The following SPOCK3 variants were observed in gnomAD, a reference collection of about 807,000 sequenced individuals.
SPOCK3 encodes testican-3.
In SPOCK3, 30 loss-of-function variants were observed where a neutral mutation model predicts 56.6. The observed-to-expected ratio is 0.53, with a 90% confidence interval of 0.40 to 0.72. The LOEUF (loss-of-function observed/expected upper bound fraction) is 0.72, where lower values mean the gene tolerates loss of function less well. Ranked by LOEUF, SPOCK3 falls within the 30% of genes least tolerant of loss-of-function variation. The pLI, the probability that SPOCK3 is intolerant of heterozygous loss-of-function variation, is 0.00. For synonymous variants in SPOCK3, 196 were observed against 183.3 expected (o/e 1.07, Z -0.56); for missense variants, 527 against 530.0 (o/e 0.99, Z 0.06).
intron 2 of SPOCK3, among the ~76,000 whole-genome samples, chr4:167,077,017 T>G (rs1757250177): frequency 2.6e-5 from 4 of 151,816 alleles, no homozygotes; most frequent in Admixed American, 2.6e-4. Flanking sequence ...TGCATGGAAT[T>G]GAGTTGATAT....
chr4:167,006,661 A>T (rs941427431), intron 3 of SPOCK3, among the ~76,000 whole-genome samples: 14 of 152,316 alleles, frequency 9.2e-5, no homozygotes, highest in Non-Finnish European at 1.6e-4. Context: ...ATTTCATATG[A>T]AAGCACTATC....
chr4:166,797,941 T>C (rs1324880953), intron 6 of SPOCK3, among the ~76,000 whole-genome samples: 1 of 152,178 alleles, frequency 6.6e-6, no homozygotes, highest in African/African-American at 2.4e-5. Flanking sequence ...TGCATAACAA[T>C]GTTTCGGGCA....
At chr4:166,834,487 C>T (rs896888958) in intron 6 of SPOCK3, among the ~76,000 whole-genome samples, 1 of 152,166 alleles carries the variant, frequency 6.6e-6, no homozygotes, top group South Asian at 2.1e-4. Flanking sequence ...GGCTTTTTCT[C>T]TATGGTCAGG....
At chr4:167,164,556 G>A (rs1765593867) in intron 2 of SPOCK3, among the ~76,000 whole-genome samples, 1 of 150,950 alleles carries the variant, frequency 6.6e-6, no homozygotes, top group Non-Finnish European at 1.5e-5. Flanking sequence ...AGCCCCACAT[G>A]CATTAGGTAT....
chr4:167,096,852 A>T (rs1357585378), intron 2 of SPOCK3, among the ~76,000 whole-genome samples: 4 of 151,864 alleles, frequency 2.6e-5, no homozygotes, highest in Non-Finnish European at 5.9e-5. Context: ...CTGAAAGAGG[A>T]AGGTTGAAAT....
At chr4:166,955,411 C>T (rs1021404594) in intron 4 of SPOCK3, among the ~76,000 whole-genome samples, 3 of 148,852 alleles carry the variant, frequency 2.0e-5, no homozygotes, top group African/African-American at 4.9e-5. Flanking sequence ...AGTAGCTCAT[C>T]AGCATAGTTT....
At chr4:167,064,074 T>G (rs1439221242) in intron 2 of SPOCK3, among the ~76,000 whole-genome samples, 2 of 151,888 alleles carry the variant, frequency 1.3e-5, no homozygotes, top group Admixed American at 6.6e-5. Flanking sequence ...AATGTAGCAC[T>G]GACTTCAATC....
intron 9 of SPOCK3, 94 bp from the exon 10 acceptor site, chr4:166,737,698 A>C: frequency 1.5e-6 from 2 of 1,336,312 alleles, no homozygotes; most frequent in Non-Finnish European, 2.0e-6. Context: ...GCATTAATGC[A>C]TTAAAGACTT....
At chr4:166,888,999 T>A in intron 6 of SPOCK3, 131 bp downstream of exon 6, 2 of 644,690 alleles carry the variant, frequency 3.1e-6, no homozygotes, top group South Asian at 1.8e-5. Context: ...ATATCTTCAA[T>A]AAAAATATAA....
intron 4 of SPOCK3, among the ~76,000 whole-genome samples, chr4:166,963,943 A>G (rs556301836): frequency 6.6e-6 from 1 of 151,848 alleles, no homozygotes; most frequent in African/African-American, 2.4e-5. Flanking sequence ...AGTCATAATT[A>G]TAGTCTCAGG....
intron 6 of SPOCK3, among the ~76,000 whole-genome samples, chr4:166,874,364 A>T (rs969241451): frequency 1.3e-5 from 2 of 152,112 alleles, no homozygotes; most frequent in African/African-American, 4.8e-5. Context: ...AGCATCTGTG[A>T]GATTGTGGCA....
intron 6 of SPOCK3, among the ~76,000 whole-genome samples, chr4:166,827,899 A>G (rs939795906): frequency 1.3e-4 from 20 of 151,992 alleles, no homozygotes; most frequent in African/African-American, 4.8e-4. Flanking sequence ...ATGAGGACAT[A>G]TGCTAAATAT....
At chr4:167,042,549 C>T (rs931026963) in intron 3 of SPOCK3, among the ~76,000 whole-genome samples, 1 of 152,078 alleles carries the variant, frequency 6.6e-6, no homozygotes, top group Non-Finnish European at 1.5e-5. Context: ...AGTTGAGTTT[C>T]ATGAGTAGAC....
Position 167,145,410 on chromosome 4 carries a change from T to A in SPOCK3, c.190-82873A>T, listed in dbSNP as rs73861940. 7.6e-3 allele frequency among the ~76,000 whole-genome samples: 1,152 copies of A among 152,174 alleles called. 20 individuals are homozygous for A. Among genetic ancestry groups the A allele is most frequent in the African/African-American group, 0.027 (1,106 of 41,538 alleles). On this transcript the variant is annotated intron_variant, in intron 2 of 10. Transcript: ENST00000357545. ...TAAACATGGGAAGCATATAATGTTT[T>A]TTAAGCCATGGGGCTGAACAGGTTC...
intron 5 of SPOCK3, 127 bp downstream of exon 5, chr4:166,912,493 A>G: frequency 1.0e-6 from 1 of 967,234 alleles, no homozygotes; most frequent in Non-Finnish European, 1.5e-6. Flanking sequence ...AACCAGTGAG[A>G]TTATTAATTT....
At chr4:167,011,476 T>A (rs930434723) in intron 3 of SPOCK3, among the ~76,000 whole-genome samples, 2 of 152,180 alleles carry the variant, frequency 1.3e-5, no homozygotes, top group African/African-American at 2.4e-5. Flanking sequence ...AAATCTTTGT[T>A]ATTTATTACA....
intron 7 of SPOCK3, among the ~76,000 whole-genome samples, chr4:166,772,538 T>C (rs143731249): frequency 9.2e-4 from 136 of 148,590 alleles, no homozygotes; most frequent in African/African-American, 3.0e-3. Flanking sequence ...AAATCTGCTA[T>C]TCTATCAAAT....
intron 2 of SPOCK3, among the ~76,000 whole-genome samples, chr4:167,164,683 C>A (rs1460404025): frequency 2.0e-5 from 3 of 151,638 alleles, no homozygotes; most frequent in Admixed American, 6.6e-5. Flanking sequence ...TGAGTGAGAA[C>A]CTTCAGTGTT....
At chr4:167,174,016 C>T (rs973095545) in intron 2 of SPOCK3, among the ~76,000 whole-genome samples, 16 of 152,100 alleles carry the variant, frequency 1.1e-4, no homozygotes, top group Admixed American at 1.0e-3. Flanking sequence ...AAGTTAAGTT[C>T]TTTGCTACAT....
Sources: allele counts gnomAD v4.1 joint callset (sites outside exome capture counted in the v4.1 genomes callset), GRCh38; gene constraint gnomAD v4.1.1; transcripts MANE v1.5; gene names NCBI Gene and HGNC (gene_info 2026-07-23, HGNC 2026-07-21).